RAD23B: variants seen among roughly 807,000 people sequenced by gnomAD.
The protein encoded by RAD23B is RAD23 nucleotide excision repair protein B.
In RAD23B, 5 loss-of-function variants were observed where a neutral mutation model predicts 49.1. The observed-to-expected ratio is 0.10, with a 90% CI of 0.05 to 0.21. The LOEUF is 0.21. Ranked by LOEUF, RAD23B falls within the 10% of genes least tolerant of loss-of-function variation. The pLI is 1.00. For synonymous variants in RAD23B, 184 were observed against 165.4 expected (o/e 1.11, Z -0.86); for missense variants, 356 against 486.7 (o/e 0.73, Z 2.53).
rs1827307444 is a variant in RAD23B at position 107,331,580 on chromosome 9, T to A, written c.*1924T>A. The A allele has an allele frequency of 9.9e-6, 7 of 703,892 alleles. No homozygotes were observed. The South Asian group carries it at 1.1e-4, about 11-fold the overall frequency. The allele number at this position is 703,892 out of a possible 1,614,324, so 43.6% of individuals were successfully genotyped here. A position where few individuals can be genotyped will look rare whatever the true frequency, so the allele number is the denominator to read the frequency against. On this transcript the variant is annotated 3_prime_UTR_variant, in exon 10 of 10. Coordinates refer to ENST00000358015, the MANE Select transcript of RAD23B (RefSeq NM_002874.5). Reference sequence around the variant, plus strand: ...TTCATATATACGTTCATCTTTCAAGTCAGAGCAATGAGTTGGGAAAAGAGG... The same window carrying A: ...TTCATATATACGTTCATCTTTCAAGACAGAGCAATGAGTTGGGAAAAGAGG...
At chr9:107,320,373 C>A (rs150548197) in intron 6 of RAD23B, among the ~76,000 whole-genome samples, 26 of 152,164 alleles carry the variant, frequency 1.7e-4, no homozygotes, top group African/African-American at 6.3e-4. Context: ...ATTTAGAATT[C>A]TGTATAAGTT....
At chr9:107,307,673 A>G (rs1481963199) in intron 4 of RAD23B, among the ~76,000 whole-genome samples, 1 of 152,186 alleles carries the variant, frequency 6.6e-6, no homozygotes, top group Non-Finnish European at 1.5e-5. Context: ...GTGATCCTTC[A>G]TTTTAGTGTT....
At chr9:107,297,479 T>C (rs936503444) in intron 1 of RAD23B, among the ~76,000 whole-genome samples, 25 of 152,186 alleles carry the variant, frequency 1.6e-4, no homozygotes, top group Admixed American at 1.0e-3. Context: ...TAGCTGGGAT[T>C]ACAGGTGCCA....
chr9:107,286,581 A>C (rs530888258), intron 1 of RAD23B, among the ~76,000 whole-genome samples: 1 of 152,356 alleles, frequency 6.6e-6, no homozygotes, highest in African/African-American at 2.4e-5. Context: ...AAGCCTTCTT[A>C]TAAAATATTC....
At chr9:107,286,576 T>G (rs563777192) in intron 1 of RAD23B, among the ~76,000 whole-genome samples, 1 of 152,318 alleles carries the variant, frequency 6.6e-6, no homozygotes, top group East Asian at 1.9e-4. Flanking sequence ...AATGCAAGCC[T>G]TCTTATAAAA....
In RAD23B at chr9:107,283,638, C is replaced by T. The variant is rs1833203832; in HGVS notation, c.9C>T (p.Val3=). The change falls in exon 1 of 10, where the codon GTC becomes GTT. Residue 3 remains valine, a synonymous_variant. Transcript: ENST00000358015. The part of the protein sequence containing the change: MQ[V]TLKTLQQQTF... ...AGCTGCGCGGCGGCACCATGCAGGTCACCCTGAAGACCCTCCAGCAGCAGA... is the reference window on the plus strand; with the variant it reads ...AGCTGCGCGGCGGCACCATGCAGGTTACCCTGAAGACCCTCCAGCAGCAGA... 6.7e-7 allele frequency: 1 copy of T among 1,482,276 alleles called. No homozygotes were observed. Among genetic ancestry groups the T allele is most frequent in the African/African-American group, 1.5e-5 (1 of 68,090 alleles). The allele number at this position is 1,482,276 out of a possible 1,614,324, so 91.8% of individuals were successfully genotyped here.
chr9:107,312,055 G>C (rs1395568773), intron 5 of RAD23B, among the ~76,000 whole-genome samples: 1 of 152,198 alleles, frequency 6.6e-6, no homozygotes, highest in African/African-American at 2.4e-5. Flanking sequence ...TCTTTGAAAT[G>C]GGTATGAAAT....
chr9:107,292,121 T>A (rs1026396708), intron 1 of RAD23B, among the ~76,000 whole-genome samples: 3 of 152,208 alleles, frequency 2.0e-5, no homozygotes. Flanking sequence ...TTAAAAAAAT[T>A]AATTAGCAAC....
Position 107,283,672 on chromosome 9 carries a change from A to T in RAD23B, c.43A>T (p.Ile15Leu). Residue 15 changes from isoleucine (I) to leucine (L), a missense_variant, in exon 1 of 10, where the codon ATA (isoleucine) becomes TTA (leucine). Transcript: ENST00000358015. ...LKTLQQQTFK[I>L]DIDPEETVKA... ...GACCCTCCAGCAGCAGACCTTCAAG[A>T]TAGACATTGACCCCGAGGAGACGGT... The T allele has an allele frequency of 6.7e-7, 1 of 1,481,888 alleles. No homozygotes were observed. The highest frequency in any genetic ancestry group is 1.3e-5 in the South Asian group (1 of 78,598). The allele number at this position is 1,481,888 out of a possible 1,614,324, so 91.8% of individuals were successfully genotyped here.
chr9:107,327,380 A>G (rs1827226945), intron 9 of RAD23B, among the ~76,000 whole-genome samples: 1 of 152,144 alleles, frequency 6.6e-6, no homozygotes, highest in Non-Finnish European at 1.5e-5. Flanking sequence ...ATTATTATCT[A>G]TCTTTGTTAG....
chr9:107,329,629 T>C lies in RAD23B; in HGVS notation c.1203T>C (p.Leu401=). The C allele has an allele frequency of 1.2e-6, 2 of 1,612,910 alleles. No individual in the cohort carries two copies. Among genetic ancestry groups the C allele is most frequent in the Non-Finnish European group, 8.5e-7 (1 of 1,178,988 alleles). ...EKNENLAANF[L]LQQNFDED ...ATGAGAATTTGGCTGCCAATTTTCT[T>C]CTACAGCAGAACTTTGATGAAGATT... is the stretch of plus-strand genomic sequence containing the variant. The change falls in exon 10 of 10, where the codon CTT becomes CTC. Residue 401 remains leucine (L), a synonymous_variant. Coordinates refer to ENST00000358015, the MANE Select transcript of RAD23B (RefSeq NM_002874.5).
At chr9:107,284,952 A>T (rs979222054) in intron 1 of RAD23B, 31 of 1,301,518 alleles carry the variant, frequency 2.4e-5, no homozygotes, top group Non-Finnish European at 2.8e-5. Context: ...GGAATCGATT[A>T]TTTAAACAAT....
In RAD23B at chr9:107,288,988, T is replaced by A. The variant is rs116270881; in HGVS notation, c.66+5293T>A. ...GAAACATTTACAAGCAGGACAGAAA[T>A]CTTTGTTTCTTTGTCTCTGTCTCTC... On this transcript the variant is annotated intron_variant, in intron 1 of 9. Transcript: ENST00000358015. 4.2e-3 allele frequency among the ~76,000 whole-genome samples: 633 copies of A among 151,774 alleles called. 7 individuals carry two copies. Among genetic ancestry groups the A allele is most frequent in the African/African-American group, 0.015 (603 of 41,336 alleles).
chr9:107,309,705 G>A (rs1231495906), intron 4 of RAD23B, among the ~76,000 whole-genome samples: 1 of 152,078 alleles, frequency 6.6e-6, no homozygotes, highest in Non-Finnish European at 1.5e-5. Flanking sequence ...GCAGAGGCAG[G>A]CGGATCACAA....
rs61758755 is a variant in RAD23B, at chr9:107,323,975, G to T, written c.903G>T (p.Ala301=). 1.2e-6 allele frequency: 2 copies of T among 1,613,144 alleles called. No homozygotes were observed. Among genetic ancestry groups the T allele is most frequent in the African/African-American group, 2.7e-5 (2 of 74,886 alleles). The part of the protein sequence containing the change: ...IIQQNPSLLP[A]LLQQIGRENP... ...AGCAGAATCCTTCCTTGCTTCCAGC[G>T]TTACTACAGCAGATAGGTCGAGAGA... is the stretch of plus-strand genomic sequence containing the variant. The change falls in exon 8 of 10, where the codon GCG becomes GCT. Residue 301 remains alanine, a synonymous_variant. Coordinates refer to ENST00000358015, the MANE Select transcript of RAD23B (RefSeq NM_002874.5).
chr9:107,305,401 A>G (rs555116870), intron 3 of RAD23B, among the ~76,000 whole-genome samples: 14 of 152,312 alleles, frequency 9.2e-5, no homozygotes, highest in Admixed American at 7.8e-4. Flanking sequence ...TTCACACTGA[A>G]TAGGCTGAGA....
rs763203241 is a variant in RAD23B at position 107,322,024 on chromosome 9, C to T, written c.723C>T (p.Pro241=). 1 of 1,613,158 alleles carries T rather than the reference C, an allele frequency of 6.2e-7. No individual in the cohort carries two copies. Among genetic ancestry groups the T allele is most frequent in the Non-Finnish European group, 8.5e-7 (1 of 1,179,560 alleles). Residue 241 remains proline (P), a synonymous_variant, in exon 7 of 10, where the codon CCC becomes CCT. Transcript: ENST00000358015. ...GAGAAAGTCAGGCTGTGGTTGACCC[C>T]CCTCAAGCAGCTAGTACTGGGGCTC... ...GDRESQAVVD[P]PQAASTGAPQ...
chr9:107,310,576 G>A (rs992615313), intron 4 of RAD23B, among the ~76,000 whole-genome samples: 2 of 152,206 alleles, frequency 1.3e-5, no homozygotes, highest in Admixed American at 6.5e-5. Context: ...TGGTGTCATA[G>A]TGGTTGTCTC....
intron 7 of RAD23B, among the ~76,000 whole-genome samples, chr9:107,322,521 A>G (rs903747161): frequency 2.6e-5 from 4 of 152,252 alleles, no homozygotes; most frequent in African/African-American, 4.8e-5. Context: ...AGCCAAGGAA[A>G]TGAAACCGTG....
Sources: gnomAD v4.1 joint callset for allele counts (sites outside exome capture counted in the v4.1 genomes callset) on GRCh38, gnomAD v4.1.1 for gene constraint, MANE v1.5 for transcripts, NCBI Gene and HGNC (gene_info 2026-07-23, HGNC 2026-07-21) for gene names.